Variants in CRISP3 observed in about 807,000 individuals in gnomAD.
The protein encoded by CRISP3 is cysteine rich secretory protein 3, also known as cysteine-rich secretory protein 3.
Under a neutral mutation model 36.1 loss-of-function variants are expected in CRISP3, and 33 were observed. That is an observed-to-expected ratio of 0.91 (90% CI 0.69 to 1.22). CRISP3 has a LOEUF of 1.22. Ranked by LOEUF, CRISP3 falls within the 50% of genes most tolerant of loss-of-function variation. CRISP3 has a pLI of 0.00. For synonymous variants in CRISP3, 117 were observed against 104.6 expected (o/e 1.12, Z -0.72); for missense variants, 330 against 301.2 (o/e 1.10, Z -0.71).
At position 49,737,289 on chromosome 6, in the gene CRISP3, C is replaced by G. The variant is rs1424698047; in HGVS notation, c.111+36G>C. 1.9e-6 allele frequency: 3 copies of G among 1,578,568 alleles called. No individual in the cohort carries two copies. The East Asian group carries it at 6.7e-5, about 35-fold the overall frequency. The stretch of plus-strand genomic sequence containing the variant: ...GTAGCTTGCCATCCCTCATGGTTGC[C>G]TGAATTTTTCTGAAGATTTTTGACT... On this transcript the variant is annotated intron_variant, in intron 2 of 7. Coordinates refer to ENST00000263045, the MANE Select transcript of CRISP3 (RefSeq NM_006061.4).
intron 1 of CRISP3, among the ~76,000 whole-genome samples, chr6:49,738,106 T>C (rs1464118133): frequency 5.3e-5 from 8 of 152,176 alleles, no homozygotes; most frequent in African/African-American, 1.9e-4. Flanking sequence ...AGGTAATAAT[T>C]TGATTCTCAT....
chr6:49,738,281 G>A (rs1769111118), intron 1 of CRISP3, among the ~76,000 whole-genome samples: 1 of 152,082 alleles, frequency 6.6e-6, no homozygotes, highest in Admixed American at 6.6e-5. Context: ...TTAAAACATT[G>A]TAAATTAATT....
At chr6:49,736,288 A>G (rs1305668806) in intron 3 of CRISP3, 103 bp downstream of exon 3, 5 of 746,266 alleles carry the variant, frequency 6.7e-6, no homozygotes, top group Non-Finnish European at 1.1e-5. Flanking sequence ...AAATACAGAG[A>G]GAACTTTGTA....
chr6:49,732,624 A>G (rs778840793), intron 6 of CRISP3, among the ~76,000 whole-genome samples: 8 of 152,162 alleles, frequency 5.3e-5, no homozygotes, highest in Non-Finnish European at 7.4e-5. Flanking sequence ...GTAAATTCTA[A>G]GAAGCAAAAA....
intron 6 of CRISP3, 50 bp from the exon 7 acceptor site, chr6:49,731,301 T>C: frequency 5.5e-6 from 7 of 1,269,134 alleles, no homozygotes; most frequent in Non-Finnish European, 6.8e-6. Context: ...TATGTTTCGT[T>C]TATGTTCCAA....
At chr6:49,736,202 T>C (rs1290080889) in intron 3 of CRISP3, among the ~76,000 whole-genome samples, 189 bp downstream of exon 3, 1 of 152,176 alleles carries the variant, frequency 6.6e-6, no homozygotes, top group Non-Finnish European at 1.5e-5. Flanking sequence ...CCCTATGAAT[T>C]TGACGTTATG....
In CRISP3 at chr6:49,733,271, G is replaced by A. The variant is rs766853414; in HGVS notation, c.484C>T (p.Leu162Phe). Residue 162 changes from leucine (L) to phenylalanine (F), a missense_variant, in exon 6 of 8, where the codon CTC becomes TTC. Physicochemically the swap from Leu to Phe is conservative, Grantham distance 22. Coordinates refer to ENST00000263045, the MANE Select transcript of CRISP3 (RefSeq NM_006061.4). ...YTQVVWYSSYLVGCGNAYCPN... is the reference protein window; with the variant it reads ...YTQVVWYSSYFVGCGNAYCPN... ...CAGTAGGCATTTCCACATCCAACGA[G>A]GTATGAAGAGTACCAAACAACCTAT... is the stretch of plus-strand genomic sequence containing the variant. 2 of 1,609,770 alleles carry A rather than the reference G, an allele frequency of 1.2e-6. No homozygotes were observed. Among genetic ancestry groups the A allele is most frequent in the Admixed American group, 1.7e-5 (1 of 59,536 alleles).
chr6:49,737,574 A>G (rs1353365229), intron 1 of CRISP3, 176 bp from the exon 2 acceptor site: 6 of 680,914 alleles, frequency 8.8e-6, no homozygotes, highest in African/African-American at 3.6e-5. Context: ...TTCAGCTTTC[A>G]AAGTATGCAT....
Position 49,733,814 on chromosome 6 carries a change from A to C in CRISP3, c.351T>G (p.Ser117Arg), listed in dbSNP as rs772417674. 2 of 1,613,710 alleles carry C rather than the reference A, an allele frequency of 1.2e-6. No individual in the cohort carries two copies. Among genetic ancestry groups the C allele is most frequent in the East Asian group, 2.2e-5 (1 of 44,884 alleles). Reference protein sequence around the residue: ...LKCGENLYMSSASSSWSQAIQ... With the variant: ...LKCGENLYMSRASSSWSQAIQ... ...TTGCTTGTGACCATGAGCTGGAGGCACTTGACATGTAGAGATTCTCACCAC... is the reference window on the plus strand; with the variant it reads ...TTGCTTGTGACCATGAGCTGGAGGCCCTTGACATGTAGAGATTCTCACCAC... The change falls in exon 5 of 8, where the codon AGT becomes AGG. Residue 117 changes from serine to arginine, a missense_variant. Physicochemically the swap from Ser to Arg is moderately radical, Grantham distance 110. Coordinates refer to ENST00000263045, the MANE Select transcript of CRISP3 (RefSeq NM_006061.4).
intron 7 of CRISP3, 40 bp downstream of exon 7, chr6:49,731,123 T>C: frequency 1.5e-6 from 2 of 1,342,200 alleles, no homozygotes; most frequent in Non-Finnish European, 2.1e-6. Context: ...AAATGTCAGA[T>C]CATTTTATTT....
chr6:49,736,334 C>T (rs759459739), intron 3 of CRISP3, 57 bp downstream of exon 3: 69 of 1,106,778 alleles, frequency 6.2e-5, no homozygotes, highest in South Asian at 9.4e-5. Flanking sequence ...AGTTGCCAGC[C>T]GCCTACTCCT....
At chr6:49,734,431 A>G (rs1768991580) in intron 4 of CRISP3, among the ~76,000 whole-genome samples, 1 of 152,172 alleles carries the variant, frequency 6.6e-6, no homozygotes. Flanking sequence ...TCAGAACATC[A>G]CAGGCCACAC....
At chr6:49,741,154 A>C (rs1371395134) in intron 1 of CRISP3, among the ~76,000 whole-genome samples, 1 of 32,770 alleles carries the variant, frequency 3.1e-5, no homozygotes, top group Non-Finnish European at 9.1e-5. Context: ...AAACCACCAA[A>C]AAAAAAAAAA....
At chr6:49,742,912 A>G (rs561239252) in intron 1 of CRISP3, among the ~76,000 whole-genome samples, 10 of 152,368 alleles carry the variant, frequency 6.6e-5, no homozygotes, top group Non-Finnish European at 1.2e-4. Context: ...GCATTAACAC[A>G]TGTGAGTATA....
chr6:49,744,257 T>C (rs556072178), intron 1 of CRISP3, 74 bp downstream of exon 1: 227 of 1,077,886 alleles, frequency 2.1e-4, no homozygotes, highest in Admixed American at 5.6e-4. Context: ...CACTTTATCA[T>C]TGATAAGGTA....
chr6:49,744,286 T>C, intron 1 of CRISP3, 45 bp downstream of exon 1: 1 of 1,380,136 alleles, frequency 7.2e-7, no homozygotes, highest in Non-Finnish European at 9.9e-7. Context: ...TTGTTCACCT[T>C]GAAATAAATA....
intron 1 of CRISP3, among the ~76,000 whole-genome samples, chr6:49,742,364 G>A (rs1769226698): frequency 1.3e-5 from 2 of 152,120 alleles, no homozygotes; most frequent in African/African-American, 4.8e-5. Context: ...GGGCGCAGTG[G>A]CTCATGCCTG....
chr6:49,728,739 G>A lies in CRISP3; in HGVS notation c.768C>T (p.Ser256=). ...SCKASCNCSN[S]IY ...GGTGTGTAATGCGTATTTAATAAATGCTGTTTGAACAATTGCAGGAGGCCT... is the reference window on the plus strand; with the variant it reads ...GGTGTGTAATGCGTATTTAATAAATACTGTTTGAACAATTGCAGGAGGCCT... The change falls in exon 8 of 8, where the codon AGC becomes AGT. Residue 256 remains serine (S), a synonymous_variant. Transcript: ENST00000263045. 6.2e-7 allele frequency: 1 copy of A among 1,610,868 alleles called. No individual in the cohort carries two copies. The highest frequency in any genetic ancestry group is 8.5e-7 in the Non-Finnish European group (1 of 1,178,452).
At chr6:49,730,327 T>C (rs1768884506) in intron 7 of CRISP3, among the ~76,000 whole-genome samples, 1 of 152,024 alleles carries the variant, frequency 6.6e-6, no homozygotes, top group Non-Finnish European at 1.5e-5. Flanking sequence ...GATTTTGACT[T>C]TAAAAATGTA....
Sources: gnomAD v4.1 joint callset for allele counts (sites outside exome capture counted in the v4.1 genomes callset) on GRCh38, gnomAD v4.1.1 for gene constraint, MANE v1.5 for transcripts, NCBI Gene and HGNC (gene_info 2026-07-23, HGNC 2026-07-21) for gene names.